Variants in IPCEF1 observed in about 807,000 individuals in gnomAD.
IPCEF1 encodes interaction protein for cytohesin exchange factors 1.
A neutral mutation model predicts 50.9 loss-of-function variants in IPCEF1; 31 were observed. The ratio of observed to expected loss-of-function variants is 0.61; its 90% CI spans 0.46 to 0.82. The LOEUF (loss-of-function observed/expected upper bound fraction) is 0.82. Ranked by LOEUF, IPCEF1 falls within the 40% of genes least tolerant of loss-of-function variation. IPCEF1 has a pLI of 0.00. For synonymous variants in IPCEF1, 181 were observed against 192.0 expected, an observed-to-expected ratio of 0.94 and a Z score of 0.47; for missense variants, 458 against 514.0, an observed-to-expected ratio of 0.89 and a Z score of 1.05.
chr6:154,211,617 G>A (rs895433422), intron 9 of IPCEF1, among the ~76,000 whole-genome samples: 1 of 152,080 alleles, frequency 6.6e-6, no homozygotes, highest in African/African-American at 2.4e-5. Flanking sequence ...GGAAAAAAAG[G>A]CACTCACCAC....
At chr6:154,314,712 G>C (rs1210574274) in intron 1 of IPCEF1, among the ~76,000 whole-genome samples, 2 of 152,004 alleles carry the variant, frequency 1.3e-5, no homozygotes, top group South Asian at 4.1e-4. Flanking sequence ...ACTCTAAATA[G>C]CTCTTAGTTT....
At chr6:154,220,064 TTTC>T (rs1289027222) in intron 7 of IPCEF1, among the ~76,000 whole-genome samples, 1 of 151,908 alleles carries the variant, frequency 6.6e-6, no homozygotes, top group African/African-American at 2.4e-5. Context: ...AGTTGCTTTT[TTTC>T]TTCATGTTTC....
At position 154,324,079 on chromosome 6, in the gene IPCEF1, GA is replaced by G. The variant is rs1783460685; in HGVS notation, c.-62+32592del. Among the ~76,000 whole-genome samples the G allele has an allele frequency of 2.6e-5, 4 of 152,186 alleles. No homozygotes were observed. In the South Asian group the frequency reaches 8.3e-4, roughly 32 times the overall value. On this transcript the variant is annotated intron_variant, in intron 1 of 11. Transcript: ENST00000367220. The stretch of plus-strand genomic sequence containing the variant: ...TTATTTTGTCTACTTTGATAAGTTT[GA>G]AATTTTTCATAACAAAGTTAATTTT...
chr6:154,306,445 G>A (rs543772440), intron 1 of IPCEF1, among the ~76,000 whole-genome samples: 12 of 152,022 alleles, frequency 7.9e-5, no homozygotes, highest in Admixed American at 7.2e-4. Flanking sequence ...TCTATGTTGC[G>A]AGGCTGGCCT....
At chr6:154,170,883 T>A (rs991487425) in intron 10 of IPCEF1, among the ~76,000 whole-genome samples, 1 of 152,196 alleles carries the variant, frequency 6.6e-6, no homozygotes, top group African/African-American at 2.4e-5. Context: ...TATTGTTTAT[T>A]TTTTAAAGAC....
intron 2 of IPCEF1, among the ~76,000 whole-genome samples, chr6:154,278,542 A>C (rs538535025): frequency 6.6e-6 from 1 of 152,296 alleles, no homozygotes; most frequent in East Asian, 1.9e-4. Flanking sequence ...AATTCCTGTC[A>C]TGGTCAAAAC....
In IPCEF1 at chr6:154,284,938, T is replaced by G. The variant is rs1782322654; in HGVS notation, c.-18+4775A>C. Among the ~76,000 whole-genome samples the G allele has an allele frequency of 2.0e-5, 3 of 151,986 alleles. No individual in the cohort carries two copies. In the South Asian group the frequency reaches 6.2e-4, roughly 32 times the overall value. On this transcript the variant is annotated intron_variant, in intron 2 of 11. Coordinates refer to ENST00000367220, the MANE Select transcript of IPCEF1 (RefSeq NM_001130700.2). The stretch of plus-strand genomic sequence containing the variant: ...TCTCTTGAACCCAGGAGGCAGAGGT[T>G]GCAGTGAGCCGAGATCACGCCACTG...
rs1223380288 is a variant in IPCEF1 at position 154,156,145 on chromosome 6, AGAAAG to A, written c.*3678_*3682del. On this transcript the variant is annotated 3_prime_UTR_variant, in exon 12 of 12. Transcript: ENST00000367220. ...AAGTAGTCTAATGTACAGAAAGAAA[AGAAAG>A]GAAACACAGCATGATTAGGTGAAAC... 5.3e-5 allele frequency: 8 copies of A among 152,298 alleles called. No homozygotes were observed. The highest frequency in any genetic ancestry group is 5.2e-4 in the Admixed American group (8 of 15,284). 9.4% of individuals were successfully genotyped at this position (152,298 alleles called of 1,614,324 possible). A position where few individuals can be genotyped will look rare whatever the true frequency, so the allele number is the denominator to read the frequency against.
Position 154,207,077 on chromosome 6 carries a change from G to C in IPCEF1, c.537+5693C>G, listed in dbSNP as rs927263280. On this transcript the variant is annotated intron_variant, in intron 9 of 11. Transcript: ENST00000367220. ...TTTAGGAGGAGAGAGAGAGGGACTA[G>C]AGACAGGGAAAGAAAAATAGCCTGC... is the stretch of plus-strand genomic sequence containing the variant. Among the ~76,000 whole-genome samples the C allele has an allele frequency of 3.3e-5, 5 of 152,186 alleles. No homozygotes were observed. In the East Asian group the frequency reaches 5.8e-4, roughly 18 times the overall value.
chr6:154,184,388 GCA>G (rs1337599188), intron 10 of IPCEF1, among the ~76,000 whole-genome samples: 2 of 151,974 alleles, frequency 1.3e-5, no homozygotes, highest in East Asian at 3.9e-4. Context: ...AGAAAATGAT[GCA>G]GTTATCAAAA....
At chr6:154,202,225 A>T (rs1777127818) in intron 9 of IPCEF1, among the ~76,000 whole-genome samples, 2 of 152,210 alleles carry the variant, frequency 1.3e-5, no homozygotes. Flanking sequence ...ATATCTTCTC[A>T]ATAATCATAT....
chr6:154,273,929 A>G (rs576045204), intron 2 of IPCEF1, among the ~76,000 whole-genome samples: 33 of 148,130 alleles, frequency 2.2e-4, no homozygotes, highest in Non-Finnish European at 3.9e-4. Flanking sequence ...AATTTTTTGT[A>G]TTTTTAGTAG....
At chr6:154,257,815 G>A (rs192371379) in intron 3 of IPCEF1, among the ~76,000 whole-genome samples, 34 of 152,180 alleles carry the variant, frequency 2.2e-4, no homozygotes, top group Non-Finnish European at 4.3e-4. Flanking sequence ...TGCTCCCACC[G>A]CAGCCTTCCA....
intron 1 of IPCEF1, among the ~76,000 whole-genome samples, chr6:154,303,470 T>C (rs987545302): frequency 6.6e-6 from 1 of 152,204 alleles, no homozygotes; most frequent in African/African-American, 2.4e-5. Context: ...GGTTGTTTTC[T>C]GCAAAACCTC....
chr6:154,348,809 T>C (rs140290476), intron 1 of IPCEF1, among the ~76,000 whole-genome samples: 83 of 152,318 alleles, frequency 5.4e-4, no homozygotes, highest in Middle Eastern at 3.4e-3. Flanking sequence ...ATTTAATCTA[T>C]TAGAATAGTA....
At chr6:154,285,120 T>TC (rs1436304150) in intron 2 of IPCEF1, among the ~76,000 whole-genome samples, 7 of 152,226 alleles carry the variant, frequency 4.6e-5, no homozygotes, top group African/African-American at 1.7e-4. Context: ...CTATATTTCT[T>TC]CAAGCTCTAT....
chr6:154,260,151 T>A (rs552961724), intron 3 of IPCEF1, among the ~76,000 whole-genome samples: 28 of 152,262 alleles, frequency 1.8e-4, no homozygotes, highest in Admixed American at 1.3e-3. Context: ...ACACAGCAAG[T>A]ACCAGTTTGC....
At chr6:154,215,294 TA>T (rs111975046) in intron 7 of IPCEF1, among the ~76,000 whole-genome samples, 82,397 of 151,890 alleles carry the variant, frequency 0.54, 22,861 homozygotes, top group South Asian at 0.76. Flanking sequence ...TTGTACCTGT[TA>T]TTTTTGAATA....
At chr6:154,327,992 T>C (rs553633926) in intron 1 of IPCEF1, among the ~76,000 whole-genome samples, 1 of 152,266 alleles carries the variant, frequency 6.6e-6, no homozygotes, top group Non-Finnish European at 1.5e-5. Flanking sequence ...ATACAACATG[T>C]TCTCAGTGAG....
Sources: gnomAD v4.1 joint callset for allele counts (sites outside exome capture counted in the v4.1 genomes callset) on GRCh38, gnomAD v4.1.1 for gene constraint, MANE v1.5 for transcripts, NCBI Gene and HGNC (gene_info 2026-07-23, HGNC 2026-07-21) for gene names.